Variants in VIT observed in about 807,000 individuals in gnomAD.
VIT encodes the protein vitrin.
Under a neutral mutation model 78.0 loss-of-function variants are expected in VIT, and 99 were observed. The observed-to-expected ratio is 1.27, with a 90% confidence interval of 1.08 to 1.50. The LOEUF (loss-of-function observed/expected upper bound fraction) is 1.50. Ranked by LOEUF, VIT falls within the 40% of genes most tolerant of loss-of-function variation. The pLI is 0.00. For synonymous variants in VIT, 374 were observed against 334.3 expected, an observed-to-expected ratio of 1.12 and a Z score of -1.29; for missense variants, 1,126 against 875.3, an observed-to-expected ratio of 1.29 and a Z score of -3.61.
At chr2:36,733,351 TC>T in intron 3 of VIT, among the ~76,000 whole-genome samples, 1 of 150,440 alleles carries the variant, frequency 6.6e-6, no homozygotes, top group East Asian at 1.9e-4. Context: ...TCTCCCCCCC[TC>T]TCTCTCTCTC....
At position 36,767,110 on chromosome 2, in the gene VIT, C is replaced by T. The variant is rs1432422568; in HGVS notation, c.504C>T (p.Ala168=). 8.1e-6 allele frequency: 13 copies of T among 1,602,142 alleles called. No individual in the cohort carries two copies. The highest frequency in any genetic ancestry group is 1.0e-5 in the Non-Finnish European group (12 of 1,174,702). The change falls in exon 7 of 16, where the codon GCC becomes GCT. Residue 168 remains alanine (A), a synonymous_variant. Coordinates refer to ENST00000379242, the MANE Select transcript of VIT (RefSeq NM_053276.4). ...PAAQAGETTK[A]YQRPPIPGTT... ...TTCTTACAGGTGAGACCACAAAAGC[C>T]TATCAGAGGCCACCTATTCCAGGGA...
At chr2:36,752,153 C>T (rs956751938) in intron 4 of VIT, among the ~76,000 whole-genome samples, 4 of 152,162 alleles carry the variant, frequency 2.6e-5, no homozygotes, top group African/African-American at 9.7e-5. Context: ...TTTCTTCAAA[C>T]CAAAGGGATA....
Position 36,759,021 on chromosome 2 carries a change from A to T in VIT, c.462A>T (p.Ser154=). 1 of 1,614,110 alleles carries T rather than the reference A, an allele frequency of 6.2e-7. No homozygotes were observed. The stretch of plus-strand genomic sequence containing the variant: ...ACCCATCAGCTCTTACATACTCATC[A>T]TCGAAAAGTCCAGCTGCCCAAGCAG... ...VTYPSALTYS[S]SKSPAAQAGE... is the part of the protein sequence containing the mutation. The change falls in exon 6 of 16, where the codon TCA becomes TCT. Residue 154 remains serine (S), a synonymous_variant. Transcript: ENST00000379242.
At position 36,758,966 on chromosome 2, in the gene VIT, C is replaced by A. The variant is rs1252600358; in HGVS notation, c.410-3C>A. 1 of 1,602,768 alleles carries A rather than the reference C, an allele frequency of 6.2e-7. No homozygotes were observed. Among genetic ancestry groups the A allele is most frequent in the Admixed American group, 1.7e-5 (1 of 57,300 alleles). The stretch of plus-strand genomic sequence containing the variant: ...TCTCGTTTTTTTTTTCTCTTTTTTG[C>A]AGAAAGTAAACCCAAAAAGGGTGTA... On this transcript the variant is annotated splice_polypyrimidine_tract_variant and splice_region_variant and intron_variant, in intron 5 of 15. Coordinates refer to ENST00000379242, the MANE Select transcript of VIT (RefSeq NM_053276.4).
intron 12 of VIT, among the ~76,000 whole-genome samples, chr2:36,800,234 A>C (rs1388318095): frequency 2.0e-5 from 3 of 151,986 alleles, no homozygotes; most frequent in Non-Finnish European, 4.4e-5. Flanking sequence ...AATCCCAGCT[A>C]CTCGGGAGGT....
At chr2:36,805,041 G>C (rs1316980784) in intron 13 of VIT, among the ~76,000 whole-genome samples, 1 of 152,064 alleles carries the variant, frequency 6.6e-6, no homozygotes, top group Non-Finnish European at 1.5e-5. Flanking sequence ...AGTGGCTCAT[G>C]CCTGTAATCT....
intron 14 of VIT, among the ~76,000 whole-genome samples, chr2:36,806,376 C>T (rs1666728863): frequency 6.6e-6 from 1 of 152,218 alleles, no homozygotes; most frequent in South Asian, 2.1e-4. Flanking sequence ...TGACCACTTC[C>T]TGCTCCTTGA....
intron 4 of VIT, among the ~76,000 whole-genome samples, chr2:36,749,029 A>G (rs927414279): frequency 1.1e-4 from 17 of 152,196 alleles, no homozygotes; most frequent in African/African-American, 4.1e-4. Flanking sequence ...GAAGTCATGC[A>G]TGGTCCTGCA....
At chr2:36,792,989 T>A (rs1245975880) in intron 12 of VIT, among the ~76,000 whole-genome samples, 2 of 152,212 alleles carry the variant, frequency 1.3e-5, no homozygotes, top group African/African-American at 2.4e-5. Context: ...TGGGAGGCTG[T>A]TAGAAATGCA....
At chr2:36,812,835 G>A (rs960480961) in intron 15 of VIT, among the ~76,000 whole-genome samples, 3 of 149,650 alleles carry the variant, frequency 2.0e-5, no homozygotes, top group Non-Finnish European at 4.4e-5. Flanking sequence ...CAAACTACCA[G>A]TGTCTTGGTT....
chr2:36,781,860 C>T (rs1664783943), intron 10 of VIT, 89 bp downstream of exon 10: 1 of 1,501,192 alleles, frequency 6.7e-7, no homozygotes, highest in Admixed American at 1.7e-5. Flanking sequence ...GCTGGCATAG[C>T]GGCCGAGCTC....
intron 6 of VIT, among the ~76,000 whole-genome samples, chr2:36,765,128 G>T (rs1262183312): frequency 6.6e-6 from 1 of 152,100 alleles, no homozygotes; most frequent in Non-Finnish European, 1.5e-5. Context: ...TTAAATTAAG[G>T]ATCCTGAGAT....
At chr2:36,754,722 A>G (rs555979318) in intron 4 of VIT, among the ~76,000 whole-genome samples, 199 bp from the exon 5 acceptor site, 1 of 152,342 alleles carries the variant, frequency 6.6e-6, no homozygotes, top group South Asian at 2.1e-4. Flanking sequence ...AGAGAAGGAC[A>G]TTGACCCTGG....
At chr2:36,751,096 C>T (rs190577810) in intron 4 of VIT, among the ~76,000 whole-genome samples, 111 of 152,108 alleles carry the variant, frequency 7.3e-4, no homozygotes, top group African/African-American at 2.3e-3. Context: ...CCCGTCTCTA[C>T]TAAATACAAA....
intron 6 of VIT, among the ~76,000 whole-genome samples, chr2:36,763,653 G>A (rs1342406944): frequency 7.7e-6 from 1 of 130,672 alleles, no homozygotes; most frequent in Non-Finnish European, 1.5e-5. Flanking sequence ...GCAATGGCTC[G>A]ATCTCGGCTC....
At chr2:36,698,815 G>A (rs1377361626) in intron 1 of VIT, among the ~76,000 whole-genome samples, 1 of 151,986 alleles carries the variant, frequency 6.6e-6, no homozygotes, top group Non-Finnish European at 1.5e-5. Context: ...ATGATGGCGG[G>A]TGCCTGTAAT....
chr2:36,795,369 ATTT>A (rs1404730252), intron 12 of VIT, among the ~76,000 whole-genome samples: 3 of 62,450 alleles, frequency 4.8e-5, no homozygotes, highest in Non-Finnish European at 1.0e-4. Context: ...TATTTTATTT[ATTT>A]TATTTTATTT....
intron 9 of VIT, among the ~76,000 whole-genome samples, chr2:36,780,975 T>G (rs1664709886): frequency 1.3e-5 from 2 of 152,274 alleles, no homozygotes; most frequent in South Asian, 4.1e-4. Flanking sequence ...GATCAGAGAT[T>G]ATTGAGTAAG....
chr2:36,766,358 T>A (rs1300935354), intron 6 of VIT, among the ~76,000 whole-genome samples: 2 of 126,962 alleles, frequency 1.6e-5, no homozygotes, highest in Non-Finnish European at 3.7e-5. Flanking sequence ...GGAAGATGCT[T>A]TCTCTACAAA....
Sources: allele counts gnomAD v4.1 joint callset (sites outside exome capture counted in the v4.1 genomes callset), GRCh38; gene constraint gnomAD v4.1.1; transcripts MANE v1.5; gene names NCBI Gene and HGNC (gene_info 2026-07-23, HGNC 2026-07-21).